C17orf67: variants seen among roughly 807,000 people sequenced by gnomAD.
The protein encoded by C17orf67 is chromosome 17 open reading frame 67.
In C17orf67, 12 loss-of-function variants were observed where a neutral mutation model predicts 11.2. The observed-to-expected ratio is 1.07, with a 90% CI of 0.68 to 1.73. The LOEUF (loss-of-function observed/expected upper bound fraction) is 1.73. Ranked by LOEUF, C17orf67 falls within the 40% of genes most tolerant of loss-of-function variation. The pLI is 0.00. For missense variants in C17orf67, 115 were observed against 113.5 expected (o/e 1.01, Z -0.06); for synonymous variants, 59 against 46.9 (o/e 1.26, Z -1.05).
chr17:56,801,021 C>T (rs900822386), intron 6 of C17orf67, among the ~76,000 whole-genome samples: 3 of 152,184 alleles, frequency 2.0e-5, no homozygotes, highest in African/African-American at 4.8e-5. Flanking sequence ...CGCACTCCAG[C>T]GCAGGCAACA....
At chr17:56,812,822 G>A (rs1408702841) in intron 6 of C17orf67, among the ~76,000 whole-genome samples, 1 of 152,132 alleles carries the variant, frequency 6.6e-6, no homozygotes, top group Non-Finnish European at 1.5e-5. Context: ...GCAAACAGAG[G>A]AGAAGCTTTC....
In C17orf67 at chr17:56,797,510, G is replaced by A. The variant is rs1387351132; in HGVS notation, c.157-2330C>T. Among the ~76,000 whole-genome samples the A allele has an allele frequency of 2.0e-5, 3 of 152,178 alleles. No individual in the cohort carries two copies. In the East Asian group the frequency reaches 5.8e-4, roughly 29 times the overall value. On this transcript the variant is annotated intron_variant, in intron 6 of 7. Coordinates refer to ENST00000397861, the MANE Select transcript of C17orf67 (RefSeq NM_001085430.4). ...AGTCTGCAGGAGTCAGTCTCCTTGA[G>A]CACAGAGTGGGGCACAGCAGGGTGG... is the stretch of plus-strand genomic sequence containing the variant.
At chr17:56,811,398 A>G (rs1905621243) in intron 6 of C17orf67, among the ~76,000 whole-genome samples, 1 of 152,172 alleles carries the variant, frequency 6.6e-6, no homozygotes, top group Non-Finnish European at 1.5e-5. Flanking sequence ...ACTCCTGGTC[A>G]TCCTTCAAGC....
chr17:56,827,566 T>C (rs575743287), intron 2 of C17orf67, among the ~76,000 whole-genome samples: 1 of 152,364 alleles, frequency 6.6e-6, no homozygotes, highest in Non-Finnish European at 1.5e-5. Context: ...GCTGACTTGA[T>C]TGACCAAGTT....
chr17:56,822,444 G>A, intron 4 of C17orf67, among the ~76,000 whole-genome samples: 1 of 151,914 alleles, frequency 6.6e-6, no homozygotes, highest in Non-Finnish European at 1.5e-5. Context: ...AGTGACATTG[G>A]GGAAATTTCT....
chr17:56,831,208 G>A (rs536448202), intron 2 of C17orf67, among the ~76,000 whole-genome samples: 1 of 152,146 alleles, frequency 6.6e-6, no homozygotes, highest in African/African-American at 2.4e-5. Flanking sequence ...AGTAGTGGAG[G>A]GGGGGATGGA....
At chr17:56,793,892 G>T (rs1905161762) in intron 7 of C17orf67, among the ~76,000 whole-genome samples, 1 of 152,186 alleles carries the variant, frequency 6.6e-6, no homozygotes, top group Non-Finnish European at 1.5e-5. Flanking sequence ...TTAGAAGAGG[G>T]ATGTAGCCCA....
At chr17:56,809,522 T>C (rs1301810021) in intron 6 of C17orf67, among the ~76,000 whole-genome samples, 1 of 136,260 alleles carries the variant, frequency 7.3e-6, no homozygotes, top group Non-Finnish European at 1.6e-5. Flanking sequence ...CCCTCACACA[T>C]ACACCCTCAC....
At chr17:56,819,883 G>C (rs1414820533) in intron 4 of C17orf67, among the ~76,000 whole-genome samples, 1 of 152,230 alleles carries the variant, frequency 6.6e-6, no homozygotes, top group Non-Finnish European at 1.5e-5. Context: ...GGACAACTAA[G>C]ATCAGGGGAA....
intron 6 of C17orf67, 105 bp from the exon 7 acceptor site, chr17:56,795,285 A>C: frequency 1.0e-6 from 1 of 975,166 alleles, no homozygotes; most frequent in Non-Finnish European, 1.6e-6. Flanking sequence ...GGATGGGAGG[A>C]CAGGCAGGGA....
At chr17:56,832,451 GA>G (rs1375647049) in intron 2 of C17orf67, among the ~76,000 whole-genome samples, 2 of 152,124 alleles carry the variant, frequency 1.3e-5, no homozygotes, top group African/African-American at 4.8e-5. Context: ...GTCTCTCTGG[GA>G]TGTAATGTCT....
chr17:56,796,215 T>C (rs745655258), intron 6 of C17orf67, among the ~76,000 whole-genome samples: 12 of 152,128 alleles, frequency 7.9e-5, no homozygotes, highest in Non-Finnish European at 1.6e-4. Flanking sequence ...GAAACAAAAA[T>C]GGATGTCCAC....
chr17:56,827,666 G>A (rs1387628873), intron 2 of C17orf67, among the ~76,000 whole-genome samples: 1 of 152,230 alleles, frequency 6.6e-6, no homozygotes, highest in Non-Finnish European at 1.5e-5. Flanking sequence ...ACCCTGGACT[G>A]AACCCTGGGA....
At chr17:56,805,682 C>T (rs901940430) in intron 6 of C17orf67, among the ~76,000 whole-genome samples, 2 of 151,934 alleles carry the variant, frequency 1.3e-5, no homozygotes, top group Non-Finnish European at 2.9e-5. Context: ...TCGGAATATA[C>T]CCATAGAAAA....
rs1906265300 is a variant in C17orf67, at chr17:56,832,911, T to A, written c.-570A>T. 6.6e-6 allele frequency: 1 copy of A among 152,190 alleles called. No individual in the cohort carries two copies. The highest frequency in any genetic ancestry group is 2.4e-5 in the African/African-American group (1 of 41,450). The allele number at this position is 152,190 out of a possible 1,614,324, so 9.4% of individuals were successfully genotyped here. A position where few individuals can be genotyped will look rare whatever the true frequency, so the allele number is the denominator to read the frequency against. On this transcript the variant is annotated 5_prime_UTR_variant, in exon 2 of 8. It removes an upstream start codon present in the reference 5' UTR. Transcript: ENST00000397861. ...ATACACACATACACGTATATATACA[T>A]CTATATGTGTATTCTTAATGAATGT... is the stretch of plus-strand genomic sequence containing the variant.
rs551496849 is a variant in C17orf67 at position 56,800,984 on chromosome 17, G to A, written c.157-5804C>T. Among the ~76,000 whole-genome samples, 3 of 152,360 alleles carry A rather than the reference G, an allele frequency of 2.0e-5. No homozygotes were observed. The East Asian group carries it at 5.8e-4, about 29-fold the overall frequency. On this transcript the variant is annotated intron_variant, in intron 6 of 7. Transcript: ENST00000397861. ...GAATTACTTAAGCCCAGGAGTTTGA[G>A]GCTTCAGTGAGCTATGATCGTGCCA... is the stretch of plus-strand genomic sequence containing the variant.
Position 56,815,739 on chromosome 17 carries a change from T to C in C17orf67, c.55+17A>G, listed in dbSNP as rs1443224172. 1.3e-6 allele frequency: 2 copies of C among 1,589,210 alleles called. No individual in the cohort carries two copies. Among genetic ancestry groups the C allele is most frequent in the Admixed American group, 3.3e-5 (2 of 59,702 alleles). Reference sequence around the variant, plus strand: ...ATGTCAGCATAGAAATAGGCTGTTTTTGGAGTCAGTGCCCACCTGAGAAGA... The same window carrying C: ...ATGTCAGCATAGAAATAGGCTGTTTCTGGAGTCAGTGCCCACCTGAGAAGA... On this transcript the variant is annotated intron_variant, in intron 5 of 7. Transcript: ENST00000397861.
chr17:56,807,545 C>T (rs1344369644), intron 6 of C17orf67, among the ~76,000 whole-genome samples: 2 of 152,206 alleles, frequency 1.3e-5, no homozygotes, highest in African/African-American at 4.8e-5. Flanking sequence ...ATATTTTGAA[C>T]AGCAAGAGTT....
chr17:56,800,890 A>AT (rs1905304560), intron 6 of C17orf67, among the ~76,000 whole-genome samples: 1 of 152,192 alleles, frequency 6.6e-6, no homozygotes, highest in Non-Finnish European at 1.5e-5. Context: ...TGGTATCAAA[A>AT]TTGGATGTTC....
Sources: allele counts gnomAD v4.1 joint callset (sites outside exome capture counted in the v4.1 genomes callset), GRCh38; gene constraint gnomAD v4.1.1; transcripts MANE v1.5; gene names NCBI Gene and HGNC (gene_info 2026-07-23, HGNC 2026-07-21).